The following THEM4 variants were observed in gnomAD, a reference collection of about 807,000 sequenced individuals.
THEM4 encodes thioesterase superfamily member 4, also known as acyl-coenzyme A thioesterase THEM4.
Under a neutral mutation model 25.0 loss-of-function variants are expected in THEM4, and 22 were observed. The observed-to-expected ratio is 0.88, with a 90% CI of 0.63 to 1.26. The LOEUF (loss-of-function observed/expected upper bound fraction) is 1.26, where lower values mean the gene tolerates loss of function less well. Ranked by LOEUF, THEM4 falls within the 50% of genes most tolerant of loss-of-function variation. THEM4 has a pLI of 0.00. For synonymous variants in THEM4, 113 were observed against 105.6 expected (o/e 1.07, Z -0.43); for missense variants, 286 against 300.3 (o/e 0.95, Z 0.35).
intron 1 of THEM4, among the ~76,000 whole-genome samples, chr1:151,903,448 A>G (rs1024679693): frequency 7.2e-5 from 11 of 152,234 alleles, no homozygotes; most frequent in Admixed American, 1.3e-4. Flanking sequence ...ATAGTCCATT[A>G]AACTGATATA....
At chr1:151,902,647 GA>G (rs945013517) in intron 1 of THEM4, among the ~76,000 whole-genome samples, 5 of 152,022 alleles carry the variant, frequency 3.3e-5, no homozygotes, top group African/African-American at 1.2e-4. Context: ...ATAACTTATG[GA>G]AAAATAAAAT....
chr1:151,898,996 G>A (rs1009246976), intron 1 of THEM4, among the ~76,000 whole-genome samples: 1 of 152,188 alleles, frequency 6.6e-6, no homozygotes, highest in Non-Finnish European at 1.5e-5. Flanking sequence ...GAAGGAACCA[G>A]AAAACCTACC....
At chr1:151,881,530 T>A (rs974121402) in intron 4 of THEM4, among the ~76,000 whole-genome samples, 1 of 152,240 alleles carries the variant, frequency 6.6e-6, no homozygotes, top group African/African-American at 2.4e-5. Context: ...TCTCCATTTG[T>A]TTGAATGACA....
At chr1:151,889,162 C>A in intron 3 of THEM4, 52 bp downstream of exon 3, 1 of 1,509,288 alleles carries the variant, frequency 6.6e-7, no homozygotes. Flanking sequence ...CACATGGGGG[C>A]AGTGTAAGAT....
rs567932246 is a variant in THEM4, at chr1:151,872,167, G to A, written c.*2721C>T. Among the ~76,000 whole-genome samples the A allele has an allele frequency of 3.5e-4, 53 of 152,212 alleles. No homozygotes were observed. Among genetic ancestry groups the A allele is most frequent in the African/African-American group, 1.2e-3 (48 of 41,492 alleles). ...GTGCCCCCATGTCTGCTGGGCCCTT[G>A]CAACTTGAGAACTGGAGTTGGGCAC... On this transcript the variant is annotated 3_prime_UTR_variant, in exon 6 of 6. Transcript: ENST00000368814.
intron 4 of THEM4, among the ~76,000 whole-genome samples, chr1:151,884,115 G>GTAAATAAATA (rs1375581301): frequency 2.2e-5 from 3 of 135,456 alleles, no homozygotes; most frequent in African/African-American, 8.2e-5. Flanking sequence ...ATAAATAAAG[G>GTAAATAAATA]AAGGAAGGAA....
chr1:151,896,438 A>C (rs1654227636), intron 1 of THEM4, among the ~76,000 whole-genome samples: 1 of 152,212 alleles, frequency 6.6e-6, no homozygotes, highest in African/African-American at 2.4e-5. Flanking sequence ...GCAATGTGAG[A>C]ACAGCCTAAT....
chr1:151,906,955 C>G (rs1369394973), intron 1 of THEM4, among the ~76,000 whole-genome samples: 2 of 152,116 alleles, frequency 1.3e-5, no homozygotes, highest in Non-Finnish European at 2.9e-5. Context: ...AGCAGGCTGC[C>G]CAAGCCAGCA....
intron 1 of THEM4, among the ~76,000 whole-genome samples, chr1:151,901,193 C>T (rs2101730376): frequency 6.6e-6 from 1 of 152,326 alleles, no homozygotes. Context: ...CACTCTACAC[C>T]CTATATTTCT....
intron 4 of THEM4, among the ~76,000 whole-genome samples, chr1:151,887,698 T>C (rs766087850): frequency 6.6e-6 from 1 of 152,106 alleles, no homozygotes; most frequent in Non-Finnish European, 1.5e-5. Context: ...TGCAGTGGCA[T>C]GATCCTAGCT....
rs949750793 is a variant in THEM4 at position 151,880,478 on chromosome 1, GA to G, written c.558-3354del. Reference sequence around the variant, plus strand: ...GGGTGACAGAGCGAGACTCTGTCTTGAAAAAAAAAAATTGAGAACAATGTGT... The same window carrying G: ...GGGTGACAGAGCGAGACTCTGTCTTGAAAAAAAAAATTGAGAACAATGTGT... On this transcript the variant is annotated intron_variant, in intron 4 of 5. Coordinates refer to ENST00000368814, the MANE Select transcript of THEM4 (RefSeq NM_053055.5). 8.7e-4 allele frequency among the ~76,000 whole-genome samples: 128 copies of G among 146,502 alleles called. 1 individual carries two copies. Among genetic ancestry groups the G allele is most frequent in the African/African-American group, 2.8e-3 (114 of 40,092 alleles).
At chr1:151,876,669 G>A (rs1024402539) in intron 5 of THEM4, among the ~76,000 whole-genome samples, 6 of 151,830 alleles carry the variant, frequency 4.0e-5, no homozygotes, top group East Asian at 3.9e-4. Context: ...GGCTGGTCTC[G>A]AACTCCTGGG....
chr1:151,894,781 T>C, intron 2 of THEM4: 1 of 614,260 alleles, frequency 1.6e-6, no homozygotes, highest in Non-Finnish European at 2.8e-6. Flanking sequence ...CTCTTGCTAA[T>C]GGTGATAAGA....
At chr1:151,885,659 CAT>C (rs748321342) in intron 4 of THEM4, among the ~76,000 whole-genome samples, 9 of 152,214 alleles carry the variant, frequency 5.9e-5, no homozygotes, top group Non-Finnish European at 1.2e-4. Context: ...CTTCTCAACT[CAT>C]GTGTCATGAA....
chr1:151,897,549 G>A (rs751214410), intron 1 of THEM4, among the ~76,000 whole-genome samples: 12 of 152,142 alleles, frequency 7.9e-5, no homozygotes, highest in East Asian at 3.9e-4. Context: ...CCTTGTGATC[G>A]TTCTTAATTA....
intron 4 of THEM4, among the ~76,000 whole-genome samples, chr1:151,878,891 T>TACACACACACACACAC (rs55900104): frequency 5.0e-4 from 69 of 138,636 alleles, no homozygotes; most frequent in African/African-American, 1.8e-3. Flanking sequence ...TATATGTCTA[T>TACACACACACACACAC]ACACACACAC....
chr1:151,901,738 G>T (rs1654356571), intron 1 of THEM4, among the ~76,000 whole-genome samples: 1 of 152,134 alleles, frequency 6.6e-6, no homozygotes, highest in Admixed American at 6.5e-5. Flanking sequence ...AGCTACTCAG[G>T]AGACCGAGGC....
At chr1:151,907,980 C>T (rs955990349) in intron 1 of THEM4, among the ~76,000 whole-genome samples, 38 of 152,170 alleles carry the variant, frequency 2.5e-4, no homozygotes, top group South Asian at 2.1e-4. Context: ...GGCTGGCTGG[C>T]GTTCCCTACC....
chr1:151,887,948 G>A (rs1654007946), intron 4 of THEM4, among the ~76,000 whole-genome samples: 1 of 152,164 alleles, frequency 6.6e-6, no homozygotes, highest in Non-Finnish European at 1.5e-5. Flanking sequence ...TCCCTGGGAT[G>A]GCCCTGATCC....
Sources: gnomAD v4.1 joint callset for allele counts (sites outside exome capture counted in the v4.1 genomes callset) on GRCh38, gnomAD v4.1.1 for gene constraint, MANE v1.5 for transcripts, NCBI Gene and HGNC (gene_info 2026-07-23, HGNC 2026-07-21) for gene names.